Variants in USP40 observed in about 807,000 individuals in gnomAD.
USP40 encodes the protein ubiquitin carboxyl-terminal hydrolase 40.
USP40 carries 143 observed loss-of-function variants against 166.2 expected under a neutral mutation model. That is an observed-to-expected ratio of 0.86 (90% CI 0.75 to 0.99). The LOEUF (loss-of-function observed/expected upper bound fraction) is 0.99. USP40 is among the 50% of genes least tolerant of loss of function. USP40 has a pLI of 0.00. For synonymous variants in USP40, 498 were observed against 524.0 expected, an observed-to-expected ratio of 0.95 and a Z score of 0.68; for missense variants, 1,444 against 1,479.7, an observed-to-expected ratio of 0.98 and a Z score of 0.40.
intron 16 of USP40, 137 bp downstream of exon 16, chr2:233,523,033 G>T: frequency 2.1e-6 from 2 of 969,268 alleles, no homozygotes; most frequent in Non-Finnish European, 3.0e-6. Flanking sequence ...ATTCCTGTAT[G>T]CAATATTTAG....
rs1191035373 is a variant in USP40 at position 233,485,645 on chromosome 2, T to A, written c.3409-19A>T. 2 of 1,609,386 alleles carry A rather than the reference T, an allele frequency of 1.2e-6. No individual in the cohort carries two copies. Among genetic ancestry groups the A allele is most frequent in the East Asian group, 4.5e-5 (2 of 44,878 alleles). ...GTTGGTTCTATGGGAAAATCAAACATCTTAAATAAGCAAAACTCAACCTCA... is the reference window on the plus strand; with the variant it reads ...GTTGGTTCTATGGGAAAATCAAACAACTTAAATAAGCAAAACTCAACCTCA... On this transcript the variant is annotated intron_variant, in intron 29 of 31. Coordinates refer to ENST00000678225, the MANE Select transcript of USP40 (RefSeq NM_001365479.2).
intron 14 of USP40, among the ~76,000 whole-genome samples, chr2:233,524,872 T>C (rs1259685658): frequency 6.6e-6 from 1 of 152,228 alleles, no homozygotes; most frequent in Non-Finnish European, 1.5e-5. Context: ...GATATGTCCA[T>C]AACACAAGCT....
chr2:233,562,504 G>A (rs1250669535), intron 3 of USP40, among the ~76,000 whole-genome samples: 1 of 146,402 alleles, frequency 6.8e-6, no homozygotes, highest in Non-Finnish European at 1.5e-5. Flanking sequence ...TCGTAGGTGG[G>A]AATTGAACAA....
intron 5 of USP40, among the ~76,000 whole-genome samples, chr2:233,555,324 C>T (rs989173189): frequency 4.6e-5 from 7 of 152,208 alleles, no homozygotes; most frequent in Admixed American, 4.6e-4. Flanking sequence ...GTAATAAGCA[C>T]TTACAATTTG....
chr2:233,559,683 GA>G lies in USP40; in HGVS notation c.381+127del, dbSNP rs573455869. 2.2e-3 allele frequency: 1,207 copies of G among 537,576 alleles called. 3 individuals carry two copies. Among genetic ancestry groups the G allele is most frequent in the Non-Finnish European group, 3.2e-3 (1,024 of 324,962 alleles). The allele number at this position is 537,576 out of a possible 1,614,324, so 33.3% of individuals were successfully genotyped here. On this transcript the variant is annotated intron_variant, in intron 4 of 31. Coordinates refer to ENST00000678225, the MANE Select transcript of USP40 (RefSeq NM_001365479.2). The stretch of plus-strand genomic sequence containing the variant: ...TTTCTGGCTTGTAATTTTTTAATGT[GA>G]GAAGGAAACATTCAAACAATATGTT...
intron 11 of USP40, among the ~76,000 whole-genome samples, chr2:233,532,700 G>C (rs989152544): frequency 6.6e-6 from 1 of 152,162 alleles, no homozygotes; most frequent in Admixed American, 6.6e-5. Context: ...CCAGCATTTT[G>C]GGAGGCTGAG....
intron 21 of USP40, among the ~76,000 whole-genome samples, chr2:233,507,770 T>C (rs754405883): frequency 1.3e-5 from 2 of 152,220 alleles, no homozygotes; most frequent in South Asian, 2.1e-4. Context: ...TAGTGTTCTA[T>C]TGTACAGTAG....
intron 5 of USP40, 76 bp downstream of exon 5, chr2:233,556,779 G>T: frequency 2.2e-6 from 3 of 1,363,242 alleles, no homozygotes; most frequent in Non-Finnish European, 2.0e-6. Flanking sequence ...TCCTTGTGTG[G>T]TATATATCAT....
chr2:233,487,015 T>C (rs1331440558), intron 28 of USP40, among the ~76,000 whole-genome samples: 5 of 152,124 alleles, frequency 3.3e-5, no homozygotes, highest in Non-Finnish European at 7.4e-5. Context: ...GAAAAGCCCA[T>C]GGAAGGGGCC....
chr2:233,565,512 T>C lies in USP40; in HGVS notation c.43A>G (p.Asn15Asp). The change falls in exon 2 of 32, where the codon AAT (asparagine) becomes GAT (aspartate). Residue 15 changes from asparagine (N) to aspartate (D), a missense_variant. By Grantham distance (23) the Asn-to-Asp change is conservative (BLOSUM62 1). Coordinates refer to ENST00000678225, the MANE Select transcript of USP40 (RefSeq NM_001365479.2). ...LFEEEYSTVS[N>D]NQYGKGKKLK... ...TTCTTCCCTTTTCCATACTGATTAT[T>C]AGACACAGTGGAATACTCCTCTTCA... is the stretch of plus-strand genomic sequence containing the variant. 6.5e-7 allele frequency: 1 copy of C among 1,537,296 alleles called. No individual in the cohort carries two copies. Among genetic ancestry groups the C allele is most frequent in the Non-Finnish European group, 8.7e-7 (1 of 1,146,862 alleles).
chr2:233,534,673 A>G (rs2068812116), intron 10 of USP40, among the ~76,000 whole-genome samples: 1 of 152,182 alleles, frequency 6.6e-6, no homozygotes, highest in Admixed American at 6.5e-5. Flanking sequence ...GTATGAGAAC[A>G]GAGGGTAAAA....
intron 26 of USP40, among the ~76,000 whole-genome samples, chr2:233,490,858 G>C (rs1210825414): frequency 1.3e-5 from 2 of 152,116 alleles, no homozygotes; most frequent in African/African-American, 2.4e-5. Context: ...TAAAGTGAAT[G>C]CTTTACAAAT....
chr2:233,536,116 CAA>C (rs1399930118), intron 10 of USP40, among the ~76,000 whole-genome samples: 4 of 151,834 alleles, frequency 2.6e-5, no homozygotes, highest in Admixed American at 2.6e-4. Context: ...ATGGTCAATT[CAA>C]AAGAGAATAA....
At position 233,476,588 on chromosome 2, in the gene USP40, C is replaced by G. The variant is rs1273120705; in HGVS notation, c.*804G>C. On this transcript the variant is annotated 3_prime_UTR_variant, in exon 32 of 32. Coordinates refer to ENST00000678225, the MANE Select transcript of USP40 (RefSeq NM_001365479.2). ...CTATGCCAGGCCTGTCTGCCACAGC[C>G]CTGCCTGCCCCGCTTCCACACAGGA... The G allele has an allele frequency of 6.6e-6, 1 of 152,396 alleles. No individual in the cohort carries two copies. The highest frequency in any genetic ancestry group is 2.4e-5 in the African/African-American group (1 of 41,446). The allele number at this position is 152,396 out of a possible 1,614,324, so 9.4% of individuals were successfully genotyped here. A position where few individuals can be genotyped will look rare whatever the true frequency, so the allele number is the denominator to read the frequency against.
At chr2:233,505,140 T>C (rs2066331611) in intron 21 of USP40, among the ~76,000 whole-genome samples, 1 of 152,006 alleles carries the variant, frequency 6.6e-6, no homozygotes, top group South Asian at 2.1e-4. Flanking sequence ...TAAAATGCCT[T>C]GAGACTAAAA....
At chr2:233,498,175 A>G (rs2065856761) in intron 23 of USP40, among the ~76,000 whole-genome samples, 1 of 152,186 alleles carries the variant, frequency 6.6e-6, no homozygotes, top group Admixed American at 6.5e-5. Flanking sequence ...TTCTGCCACC[A>G]TTACCTTACA....
At chr2:233,559,440 G>T (rs1006094606) in intron 4 of USP40, among the ~76,000 whole-genome samples, 11 of 152,124 alleles carry the variant, frequency 7.2e-5, no homozygotes, top group Admixed American at 6.5e-4. Context: ...ATTATTGTTG[G>T]TCAAAGACTA....
rs561071155 is a variant in USP40 at position 233,554,174 on chromosome 2, G to A, written c.693+206C>T. 1.7e-3 allele frequency among the ~76,000 whole-genome samples: 252 copies of A among 152,190 alleles called. 1 individual carries two copies. Among genetic ancestry groups the A allele is most frequent in the African/African-American group, 5.2e-3 (214 of 41,542 alleles). On this transcript the variant is annotated intron_variant, in intron 6 of 31. Coordinates refer to ENST00000678225, the MANE Select transcript of USP40 (RefSeq NM_001365479.2). ...ACTGAGGTACAATAAAGTTTTCCCC[G>A]GAGAAAAGGAAGTTGGGTGAACTGT...
In USP40 at chr2:233,477,495, G is replaced by T. The variant is rs2064241899; in HGVS notation, c.3608C>A (p.Ala1203Asp). The T allele has an allele frequency of 6.2e-7, 1 of 1,613,094 alleles. No individual in the cohort carries two copies. The highest frequency in any genetic ancestry group is 2.2e-5 in the East Asian group (1 of 44,878). ...RALGRRKSQE[A>D]LHEQSSYILS... ...GATGTAGCTGCTCTGCTCATGGAGG[G>T]CTTCTTGGCTGCAGAGACACAGACA... Residue 1203 changes from alanine to aspartate, a missense_variant, in exon 32 of 32, where the codon GCC becomes GAC. Ala to Asp is a moderately radical substitution (Grantham distance 126). Transcript: ENST00000678225.
Sources: gnomAD v4.1 joint callset for allele counts (sites outside exome capture counted in the v4.1 genomes callset) on GRCh38, gnomAD v4.1.1 for gene constraint, MANE v1.5 for transcripts, NCBI Gene and HGNC (gene_info 2026-07-23, HGNC 2026-07-21) for gene names.